The following IAH1 variants were observed in gnomAD, a reference collection of about 807,000 sequenced individuals.
IAH1 encodes the protein isoamyl acetate hydrolyzing esterase 1 (putative).
A neutral mutation model predicts 26.7 loss-of-function variants in IAH1; 24 were observed. That is an observed-to-expected ratio of 0.90 (90% CI 0.65 to 1.26). The LOEUF (loss-of-function observed/expected upper bound fraction) is 1.26, where lower values mean the gene tolerates loss of function less well. IAH1 is among the 50% of genes most tolerant of loss of function. The pLI, the probability that IAH1 is intolerant of heterozygous loss-of-function variation, is 0.00. For synonymous variants in IAH1, 140 were observed against 118.5 expected (o/e 1.18, Z -1.18); for missense variants, 300 against 299.9 (o/e 1.00, Z 0.00).
chr2:9,511,323 G>A, the IAH1 span, among the ~76,000 whole-genome samples: 3 of 152,150 alleles, frequency 2.0e-5, no homozygotes, highest in African/African-American at 4.8e-5. Context: ...GGTGGCGCAC[G>A]CCTGTAATCC....
chr2:9,509,749 C>G, the IAH1 span, among the ~76,000 whole-genome samples: 2 of 150,602 alleles, frequency 1.3e-5, no homozygotes, highest in Admixed American at 1.3e-4. Context: ...TCCTAGAGCT[C>G]AAATCTACAC....
chr2:9,484,915 CTG>C (rs1269815861), intron 5 of IAH1: 4 of 177,912 alleles, frequency 2.2e-5, no homozygotes, highest in Non-Finnish European at 4.7e-5. Flanking sequence ...GCTAATAAAA[CTG>C]TTTGAGATAT....
downstream of IAH1, chr2:9,493,934 C>A: frequency 2.3e-6 from 2 of 873,398 alleles, no homozygotes; most frequent in South Asian, 1.8e-5. Flanking sequence ...TAAAATCAAA[C>A]GTTTTCCCAT....
chr2:9,491,107 G>T, downstream of IAH1: 1 of 1,613,044 alleles, frequency 6.2e-7, no homozygotes, highest in Non-Finnish European at 8.5e-7. Context: ...TTACACTGGG[G>T]TGAAACAGAG....
At chr2:9,494,796 G>C in exon 6 of IAH1, 4 of 1,611,934 alleles carry the variant, frequency 2.5e-6, no homozygotes. Flanking sequence ...ATTGACAGCT[G>C]GATTGTTCTG....
chr2:9,510,560 A>G, the IAH1 span, among the ~76,000 whole-genome samples: 1 of 151,888 alleles, frequency 6.6e-6, no homozygotes. Flanking sequence ...ACTACTCGGG[A>G]GGCTGAGGCA....
downstream of IAH1, among the ~76,000 whole-genome samples, chr2:9,492,117 A>AG (rs1171643588): frequency 3.3e-5 from 5 of 152,226 alleles, no homozygotes; most frequent in Non-Finnish European, 5.9e-5. Flanking sequence ...AGGAGGCAGT[A>AG]GGAAAAACTC....
intron 4 of IAH1, among the ~76,000 whole-genome samples, chr2:9,482,658 T>C (rs934435035): frequency 1.3e-5 from 2 of 152,192 alleles, no homozygotes; most frequent in African/African-American, 4.8e-5. Flanking sequence ...AAGTCCTTAC[T>C]GTTGTATGAG....
rs757311814 is a variant in IAH1, at chr2:9,478,225, A to G, written c.138A>G (p.Lys46=). 6.3e-7 allele frequency: 1 copy of G among 1,588,326 alleles called. No individual in the cohort carries two copies. The highest frequency in any genetic ancestry group is 8.6e-7 in the Non-Finnish European group (1 of 1,168,182). ...GASLADRLVR[K]CDVLNRGFSG... is the part of the protein sequence containing the mutation. ...TTTTTAAAATTTTTCGTTTCAGAAA[A>G]TGTGATGTTCTGAATCGTGGATTTT... The change falls in exon 3 of 6, where the codon AAA becomes AAG. Residue 46 remains lysine (K), a synonymous_variant. Coordinates refer to ENST00000497473, the MANE Select transcript of IAH1 (RefSeq NM_001039613.3).
downstream of IAH1, among the ~76,000 whole-genome samples, chr2:9,498,258 G>T (rs1171873268): frequency 2.0e-5 from 3 of 152,076 alleles, no homozygotes; most frequent in Non-Finnish European, 4.4e-5. Flanking sequence ...GTGTAAAACT[G>T]CTGGGCTCAA....
downstream of IAH1, among the ~76,000 whole-genome samples, chr2:9,500,522 CTG>C (rs1662935370): frequency 6.6e-6 from 1 of 152,132 alleles, no homozygotes; most frequent in Non-Finnish European, 1.5e-5. Context: ...AATCATTAAA[CTG>C]TACACTTTAA....
chr2:9,499,782 T>G (rs967509405), downstream of IAH1, among the ~76,000 whole-genome samples: 1 of 152,336 alleles, frequency 6.6e-6, no homozygotes, highest in East Asian at 1.9e-4. Context: ...TGTCATACTA[T>G]GCACACGGAA....
chr2:9,506,258 C>T, the IAH1 span, among the ~76,000 whole-genome samples: 1 of 151,534 alleles, frequency 6.6e-6, no homozygotes, highest in Non-Finnish European at 1.5e-5. Context: ...GTGCCTGTAA[C>T]CACCAAATCA....
the IAH1 span, among the ~76,000 whole-genome samples, chr2:9,503,137 CA>C: frequency 2.2e-3 from 166 of 74,184 alleles, no homozygotes; most frequent in Admixed American, 3.2e-3. Context: ...GAGACTCTCT[CA>C]AAAAAAAAAA....
At chr2:9,504,686 CG>C in the IAH1 span, among the ~76,000 whole-genome samples, 2 of 145,898 alleles carry the variant, frequency 1.4e-5, no homozygotes, top group Admixed American at 6.9e-5. Flanking sequence ...CACTTGAACC[CG>C]GGAGACAAAG....
At chr2:9,502,311 C>G in the IAH1 span, 5 of 1,531,394 alleles carry the variant, frequency 3.3e-6, no homozygotes, top group South Asian at 5.6e-5. Flanking sequence ...CAGAGCAATT[C>G]AAATTATGGC....
In IAH1 at chr2:9,481,407, A is replaced by G; in HGVS notation, c.405A>G (p.Pro135=). Residue 135 remains proline (P), a synonymous_variant, in exon 4 of 6, where the codon CCA becomes CCG. Transcript: ENST00000497473. The part of the protein sequence containing the change: ...ENRVILITPT[P]LCETAWEEQC... Reference sequence around the variant, plus strand: ...GAGTCATTCTCATCACGCCGACCCCACTTTGTGAAACAGCCTGGGAAGAAC... The same window carrying G: ...GAGTCATTCTCATCACGCCGACCCCGCTTTGTGAAACAGCCTGGGAAGAAC... 1.2e-6 allele frequency: 2 copies of G among 1,614,146 alleles called. No individual in the cohort carries two copies. Among genetic ancestry groups the G allele is most frequent in the Non-Finnish European group, 1.7e-6 (2 of 1,180,036 alleles).
the IAH1 span, chr2:9,505,492 T>C: frequency 1.1e-6 from 1 of 948,562 alleles, no homozygotes; most frequent in Non-Finnish European, 1.6e-6. Flanking sequence ...CCTGGAGTTA[T>C]GGCAAGGCCA....
the IAH1 span, among the ~76,000 whole-genome samples, chr2:9,507,195 C>A: frequency 6.6e-6 from 1 of 152,060 alleles, no homozygotes. Context: ...TTAAGGAATT[C>A]ATTTAAAACA....
Sources: allele counts gnomAD v4.1 joint callset (sites outside exome capture counted in the v4.1 genomes callset), GRCh38; gene constraint gnomAD v4.1.1; transcripts MANE v1.5; gene names NCBI Gene and HGNC (gene_info 2026-07-23, HGNC 2026-07-21).